The following PARD6G variants were observed in gnomAD, a reference collection of about 807,000 sequenced individuals.
The protein encoded by PARD6G is partitioning defective 6 homolog gamma.
Under a neutral mutation model 10.7 loss-of-function variants are expected in PARD6G, and 7 were observed. The ratio of observed to expected loss-of-function variants is 0.66; its 90% CI spans 0.37 to 1.23. The LOEUF (loss-of-function observed/expected upper bound fraction) is 1.23, where lower values mean the gene tolerates loss of function less well. PARD6G is among the 50% of genes most tolerant of loss of function. The pLI, the probability that PARD6G is intolerant of heterozygous loss-of-function variation, is 0.02. For missense variants in PARD6G, 548 were observed against 571.8 expected (o/e 0.96, Z 0.42); for synonymous variants, 287 against 269.4 (o/e 1.07, Z -0.64).
At chr18:80,199,403 C>T (rs1336585835) in intron 2 of PARD6G, among the ~76,000 whole-genome samples, 6 of 152,226 alleles carry the variant, frequency 3.9e-5, no homozygotes, top group Non-Finnish European at 8.8e-5. Context: ...CACACACGCA[C>T]ATGCGCACAC....
rs1490717217 is a variant in PARD6G at position 80,192,132 on chromosome 18, TAGA to T, written c.295+10575_295+10577del. ...ATCATTAAGGAGTCACTAAAAACCC[TAGA>T]AGGTGTTGGGGTCACAAGACCAGAC... On this transcript the variant is annotated intron_variant, in intron 2 of 2. Transcript: ENST00000353265. This position sits in a 1 kb window ranked among gnomAD's most constrained non-coding sequence, Gnocchi z 4.9. Among the ~76,000 whole-genome samples, 2 of 152,230 alleles carry T rather than the reference TAGA, an allele frequency of 1.3e-5. No homozygotes were observed. The highest frequency in any genetic ancestry group is 4.8e-5 in the African/African-American group (2 of 41,454).
chr18:80,159,316 T>G lies in PARD6G; in HGVS notation c.*455A>C, dbSNP rs1457363993. On this transcript the variant is annotated 3_prime_UTR_variant, in exon 3 of 3. Coordinates refer to ENST00000353265, the MANE Select transcript of PARD6G (RefSeq NM_032510.4). ...TTCGTTATTAAAAACCAGCCTCTTG[T>G]CACGTACATCAGCACAGTCGGCCTC... 2 of 153,620 alleles carry G rather than the reference T, an allele frequency of 1.3e-5. No homozygotes were observed. Among genetic ancestry groups the G allele is most frequent in the South Asian group, 4.1e-4 (2 of 4,832 alleles). The allele number at this position is 153,620 out of a possible 1,614,324, so 9.5% of individuals were successfully genotyped here.
In PARD6G at chr18:80,213,715, C is replaced by G. The variant is rs185298449; in HGVS notation, c.73-10783G>C. Among the ~76,000 whole-genome samples, 21 of 151,540 alleles carry G rather than the reference C, an allele frequency of 1.4e-4. 1 individual carries two copies. In the East Asian group the frequency reaches 3.9e-3, roughly 28 times the overall value. ...GGCTCACGCCTGTAATCCCAGCACT[C>G]TGGGAGGCCGAGGAGGGCGGATCAT... is the stretch of plus-strand genomic sequence containing the variant. On this transcript the variant is annotated intron_variant, in intron 1 of 2. Coordinates refer to ENST00000353265, the MANE Select transcript of PARD6G (RefSeq NM_032510.4).
rs1447377706 is a variant in PARD6G, at chr18:80,188,879, G to A, written c.295+13831C>T. 6.6e-6 allele frequency among the ~76,000 whole-genome samples: 1 copy of A among 152,230 alleles called. No homozygotes were observed. Among genetic ancestry groups the A allele is most frequent in the Admixed American group, 6.5e-5 (1 of 15,286 alleles). On this transcript the variant is annotated intron_variant, in intron 2 of 2. Transcript: ENST00000353265. This position sits in a 1 kb window ranked among gnomAD's most constrained non-coding sequence, Gnocchi z 5.4. ...CCTACCGTTTCCCCACGTTCGTGAG[G>A]GAGGTGTGGACTTGCTGGGGCATCT...
At position 80,183,347 on chromosome 18, in the gene PARD6G, T is replaced by A. The variant is rs1160757675; in HGVS notation, c.295+19363A>T. ...AGCGAAAGACAAAAAACCACCAGCA[T>A]CCGTCTTCTTCCTTTCCAGCCAGAC... is the stretch of plus-strand genomic sequence containing the variant. On this transcript the variant is annotated intron_variant, in intron 2 of 2. Coordinates refer to ENST00000353265, the MANE Select transcript of PARD6G (RefSeq NM_032510.4). This position sits in a 1 kb window ranked among gnomAD's most constrained non-coding sequence, Gnocchi z 4.5. Among the ~76,000 whole-genome samples, 3 of 152,134 alleles carry A rather than the reference T, an allele frequency of 2.0e-5. No homozygotes were observed. The East Asian group carries it at 5.8e-4, about 29-fold the overall frequency.
intron 1 of PARD6G, among the ~76,000 whole-genome samples, chr18:80,207,579 T>C (rs904476212): frequency 2.6e-5 from 4 of 152,242 alleles, no homozygotes; most frequent in African/African-American, 9.6e-5. Context: ...AAATTTACTA[T>C]AACAATCTAT....
intron 1 of PARD6G, among the ~76,000 whole-genome samples, chr18:80,244,440 G>C (rs1410018983): frequency 2.0e-5 from 3 of 152,066 alleles, no homozygotes; most frequent in African/African-American, 7.2e-5. Context: ...CACACACCAG[G>C]GTCCTGTCCC....
chr18:80,240,972 A>T (rs1301596852), intron 1 of PARD6G, among the ~76,000 whole-genome samples: 1 of 152,204 alleles, frequency 6.6e-6, no homozygotes, highest in Non-Finnish European at 1.5e-5. Context: ...TAAATGAGTA[A>T]ACAAATGTAT....
rs1351136638 is a variant in PARD6G at position 80,192,466 on chromosome 18, G to A, written c.295+10244C>T. Among the ~76,000 whole-genome samples, 2 of 151,772 alleles carry A rather than the reference G, an allele frequency of 1.3e-5. No individual in the cohort carries two copies. The highest frequency in any genetic ancestry group is 3.9e-4 in the East Asian group (2 of 5,126). On this transcript the variant is annotated intron_variant, in intron 2 of 2. Coordinates refer to ENST00000353265, the MANE Select transcript of PARD6G (RefSeq NM_032510.4). The surrounding 1 kb of genome is among the most constrained non-coding windows in gnomAD (Gnocchi z 4.9). Reference sequence around the variant, plus strand: ...GCAGGTGCCACGGCGGGAGCCCAGGGGACGGGGGAGAGCAGGTGCCACGGC... The same window carrying A: ...GCAGGTGCCACGGCGGGAGCCCAGGAGACGGGGGAGAGCAGGTGCCACGGC...
intron 1 of PARD6G, among the ~76,000 whole-genome samples, chr18:80,226,136 T>C (rs1410896610): frequency 1.4e-5 from 2 of 145,064 alleles, no homozygotes; most frequent in African/African-American, 5.1e-5. Flanking sequence ...TCCCCACAGG[T>C]AACCAATGAC....
At chr18:80,230,497 C>T (rs993748879) in intron 1 of PARD6G, among the ~76,000 whole-genome samples, 9 of 152,168 alleles carry the variant, frequency 5.9e-5, no homozygotes, top group Admixed American at 2.0e-4. Flanking sequence ...TGGAGCCTGG[C>T]GCCTGCCTAG....
In PARD6G at chr18:80,182,833, A is replaced by G. The variant is rs1268723266; in HGVS notation, c.295+19877T>C. The G allele has an allele frequency of 7.4e-6, 3 of 406,022 alleles. No homozygotes were observed. The highest frequency in any genetic ancestry group is 2.0e-5 in the African/African-American group (1 of 49,310). The allele number at this position is 406,022 out of a possible 1,614,324, so 25.2% of individuals were successfully genotyped here. A position where few individuals can be genotyped will look rare whatever the true frequency, so the allele number is the denominator to read the frequency against. On this transcript the variant is annotated intron_variant, in intron 2 of 2. Coordinates refer to ENST00000353265, the MANE Select transcript of PARD6G (RefSeq NM_032510.4). This position sits in a 1 kb window ranked among gnomAD's most constrained non-coding sequence, Gnocchi z 4.5. The stretch of plus-strand genomic sequence containing the variant: ...ACAAGTTACTATTTTGGGCAGGACA[A>G]ATGTTCCCAGAGAACTTTTAAATCT...
chr18:80,208,348 A>T (rs1248227891), intron 1 of PARD6G, among the ~76,000 whole-genome samples: 1 of 152,216 alleles, frequency 6.6e-6, no homozygotes, highest in Admixed American at 6.5e-5. Context: ...TGAAGACCAC[A>T]ACATCAGAGT....
chr18:80,169,862 C>A (rs1449563212), intron 2 of PARD6G: 1 of 152,202 alleles, frequency 6.6e-6, no homozygotes, highest in Non-Finnish European at 1.5e-5. Context: ...CATGGCCTCA[C>A]CTGCTCACGG....
chr18:80,196,922 A>G (rs912642345), intron 2 of PARD6G, among the ~76,000 whole-genome samples: 4 of 147,172 alleles, frequency 2.7e-5, no homozygotes, highest in African/African-American at 5.0e-5. Context: ...AAAAAAGAAA[A>G]TCCTCCAAAC....
chr18:80,202,972 A>T, intron 1 of PARD6G, 40 bp from the exon 2 acceptor site: 1 of 940,024 alleles, frequency 1.1e-6, no homozygotes, highest in Non-Finnish European at 1.7e-6. Context: ...GGGCATTAAT[A>T]AATACCAGAG....
In PARD6G at chr18:80,184,799, G is replaced by C. The variant is rs1274506955; in HGVS notation, c.295+17911C>G. Reference sequence around the variant, plus strand: ...TCCAGGGGCTGGGGGTTGGGGGAATGGGGAGAGACTACTTAACAGGCAGAG... The same window carrying C: ...TCCAGGGGCTGGGGGTTGGGGGAATCGGGAGAGACTACTTAACAGGCAGAG... On this transcript the variant is annotated intron_variant, in intron 2 of 2. Transcript: ENST00000353265. The surrounding 1 kb of genome is among the most constrained non-coding windows in gnomAD (Gnocchi z 4.5). The C allele has an allele frequency of 6.6e-6, 1 of 152,198 alleles. No homozygotes were observed. Among genetic ancestry groups the C allele is most frequent in the Non-Finnish European group, 1.5e-5 (1 of 68,050 alleles). The allele number at this position is 152,198 out of a possible 1,614,324, so 9.4% of individuals were successfully genotyped here. A position where few individuals can be genotyped will look rare whatever the true frequency, so the allele number is the denominator to read the frequency against.
At chr18:80,213,270 C>T (rs1967126657) in intron 1 of PARD6G, among the ~76,000 whole-genome samples, 1 of 152,122 alleles carries the variant, frequency 6.6e-6, no homozygotes, top group African/African-American at 2.4e-5. Flanking sequence ...CTTTGAAAAG[C>T]TCTGATACAT....
Position 80,247,149 on chromosome 18 carries a change from G to A in PARD6G, c.72+128C>T. On this transcript the variant is annotated intron_variant, in intron 1 of 2. Transcript: ENST00000353265. This position sits in a 1 kb window ranked among gnomAD's most constrained non-coding sequence, Gnocchi z 4.2. The stretch of plus-strand genomic sequence containing the variant: ...TGCGCGTCCCGCGGAGCGGCGCGCG[G>A]CGCCCGAACTGGAAAGTTGTCGCCG... 1.7e-6 allele frequency: 1 copy of A among 602,744 alleles called. No homozygotes were observed. The highest frequency in any genetic ancestry group is 2.6e-6 in the Non-Finnish European group (1 of 389,572). The allele number at this position is 602,744 out of a possible 1,614,324, so 37.3% of individuals were successfully genotyped here. A position where few individuals can be genotyped will look rare whatever the true frequency, so the allele number is the denominator to read the frequency against.
Sources: gnomAD v4.1 joint callset for allele counts (sites outside exome capture counted in the v4.1 genomes callset) on GRCh38, gnomAD v4.1.1 for gene constraint, Gnocchi (gnomAD v3.1) non-coding constraint, MANE v1.5 for transcripts, NCBI Gene and HGNC (gene_info 2026-07-23, HGNC 2026-07-21) for gene names.